MFSD6: variants seen among roughly 807,000 people sequenced by gnomAD.
MFSD6 encodes the protein major facilitator superfamily domain containing 6.
A neutral mutation model predicts 56.3 loss-of-function variants in MFSD6; 26 were observed. The ratio of observed to expected loss-of-function variants is 0.46; its 90% CI spans 0.34 to 0.64. The LOEUF (loss-of-function observed/expected upper bound fraction) is 0.64. Ranked by LOEUF, MFSD6 falls within the 30% of genes least tolerant of loss-of-function variation. The pLI is 0.01. For synonymous variants in MFSD6, 331 were observed against 366.9 expected, an observed-to-expected ratio of 0.90 and a Z score of 1.12; for missense variants, 750 against 986.2, an observed-to-expected ratio of 0.76 and a Z score of 3.21.
In MFSD6 at chr2:190,495,362, T is replaced by C. The variant is rs1004277603; in HGVS notation, c.1892-2077T>C. On this transcript the variant is annotated intron_variant, in intron 6 of 7. Transcript: ENST00000392328. The surrounding 1 kb of genome is among the most constrained non-coding windows in gnomAD (Gnocchi z 4.7). ...AGAAATCATACATGACATACACAAA[T>C]GGAAACATATCCCATGCTCATGGAT... is the stretch of plus-strand genomic sequence containing the variant. Among the ~76,000 whole-genome samples the C allele has an allele frequency of 1.2e-4, 18 of 152,124 alleles. No individual in the cohort carries two copies. The highest frequency in any genetic ancestry group is 4.3e-4 in the African/African-American group (18 of 41,428).
Position 190,485,884 on chromosome 2 carries a change from A to G in MFSD6, c.1631-2773A>G, listed in dbSNP as rs940839386. Among the ~76,000 whole-genome samples the G allele has an allele frequency of 2.6e-5, 4 of 152,210 alleles. No individual in the cohort carries two copies. The highest frequency in any genetic ancestry group is 9.6e-5 in the African/African-American group (4 of 41,454). On this transcript the variant is annotated intron_variant, in intron 4 of 7. Transcript: ENST00000392328. This position sits in a 1 kb window ranked among gnomAD's most constrained non-coding sequence, Gnocchi z 5.1. ...AAGTTATTTTAATGTTTCTTAGTCA[A>G]CTGTGAGGCATACAATCTAATGTAC...
chr2:190,467,841 A>G lies in MFSD6; in HGVS notation c.1533-1917A>G, dbSNP rs1421678803. On this transcript the variant is annotated intron_variant, in intron 3 of 7. Transcript: ENST00000392328. The surrounding 1 kb of genome is among the most constrained non-coding windows in gnomAD (Gnocchi z 5.5). ...TTCATAATTCAGCTCTTGTTGGAACATGGCCATGCTCATTCATTTACATAT... is the reference window on the plus strand; with the variant it reads ...TTCATAATTCAGCTCTTGTTGGAACGTGGCCATGCTCATTCATTTACATAT... Among the ~76,000 whole-genome samples the G allele has an allele frequency of 2.0e-5, 3 of 152,246 alleles. No individual in the cohort carries two copies. Among genetic ancestry groups the G allele is most frequent in the Non-Finnish European group, 4.4e-5 (3 of 68,038 alleles).
intron 3 of MFSD6, among the ~76,000 whole-genome samples, chr2:190,455,934 CT>C (rs34054506): frequency 1.2e-4 from 8 of 65,370 alleles, no homozygotes; most frequent in African/African-American, 4.6e-4. Context: ...ATTTACTCTG[CT>C]TTTTTTTTTT....
rs1415698230 is a variant in MFSD6 at position 190,488,616 on chromosome 2, A to T, written c.1631-41A>T. On this transcript the variant is annotated intron_variant, in intron 4 of 7. Transcript: ENST00000392328. The surrounding 1 kb of genome is among the most constrained non-coding windows in gnomAD (Gnocchi z 6.4). ...ATTTCAAAACAGAGTAGCCTAAGAA[A>T]TGCTAACCAACTAATCCCTCCTGCT... 7.1e-7 allele frequency: 1 copy of T among 1,409,400 alleles called. No homozygotes were observed. Among genetic ancestry groups the T allele is most frequent in the East Asian group, 2.7e-5 (1 of 37,612 alleles). 87.3% of individuals were successfully genotyped at this position (1,409,400 alleles called of 1,614,324 possible). A position where few individuals can be genotyped will look rare whatever the true frequency, so the allele number is the denominator to read the frequency against.
Position 190,467,931 on chromosome 2 carries a change from C to T in MFSD6, c.1533-1827C>T, listed in dbSNP as rs1008582681. Among the ~76,000 whole-genome samples the T allele has an allele frequency of 1.3e-5, 2 of 152,168 alleles. No homozygotes were observed. The highest frequency in any genetic ancestry group is 4.8e-5 in the African/African-American group (2 of 41,422). On this transcript the variant is annotated intron_variant, in intron 3 of 7. Coordinates refer to ENST00000392328, the MANE Select transcript of MFSD6 (RefSeq NM_017694.4). The surrounding 1 kb of genome is among the most constrained non-coding windows in gnomAD (Gnocchi z 5.5). The stretch of plus-strand genomic sequence containing the variant: ...GAGCTGCAACAGAGACCATGTAGCT[C>T]GTGAAGCCTAAACTGTTTAATGTGT...
In MFSD6 at chr2:190,417,473, G is replaced by A. The variant is rs1335829044; in HGVS notation, c.-54+2060G>A. Among the ~76,000 whole-genome samples the A allele has an allele frequency of 6.6e-6, 1 of 152,114 alleles. No homozygotes were observed. Among genetic ancestry groups the A allele is most frequent in the Non-Finnish European group, 1.5e-5 (1 of 68,016 alleles). On this transcript the variant is annotated intron_variant, in intron 2 of 7. Coordinates refer to ENST00000392328, the MANE Select transcript of MFSD6 (RefSeq NM_017694.4). The surrounding 1 kb of genome is among the most constrained non-coding windows in gnomAD (Gnocchi z 5.7). ...TTGTGTGTGCCCCCGTCTTCTTCTCGCCTCTGGGTGTCATGACAGGGACTG... is the reference window on the plus strand; with the variant it reads ...TTGTGTGTGCCCCCGTCTTCTTCTCACCTCTGGGTGTCATGACAGGGACTG...
rs1269171288 is a variant in MFSD6 at position 190,431,095 on chromosome 2, A to G, written c.-53-4882A>G. ...TCGCAGCCGGGCAGAGGCGCTCCTC[A>G]CATCCCAGACAGGGCGGCGGGGCAG... is the stretch of plus-strand genomic sequence containing the variant. On this transcript the variant is annotated intron_variant, in intron 2 of 7. Coordinates refer to ENST00000392328, the MANE Select transcript of MFSD6 (RefSeq NM_017694.4). The surrounding 1 kb of genome is among the most constrained non-coding windows in gnomAD (Gnocchi z 4.4). 7.0e-6 allele frequency among the ~76,000 whole-genome samples: 1 copy of G among 143,204 alleles called. No individual in the cohort carries two copies. Among genetic ancestry groups the G allele is most frequent in the Non-Finnish European group, 1.5e-5 (1 of 66,214 alleles). The allele number at this position is 143,204 out of a possible 152,430, so 93.9% of individuals were successfully genotyped here.
chr2:190,493,420 A>T (rs1256094181), intron 6 of MFSD6, among the ~76,000 whole-genome samples: 1 of 152,186 alleles, frequency 6.6e-6, no homozygotes, highest in Non-Finnish European at 1.5e-5. Context: ...GATATACAGC[A>T]ACACAATAAT....
chr2:190,501,419 T>A lies in MFSD6; in HGVS notation c.*1201T>A, dbSNP rs1690018390. The A allele has an allele frequency of 6.6e-6, 1 of 152,126 alleles. No homozygotes were observed. Among genetic ancestry groups the A allele is most frequent in the South Asian group, 2.1e-4 (1 of 4,828 alleles). 9.4% of individuals were successfully genotyped at this position (152,126 alleles called of 1,614,324 possible). On this transcript the variant is annotated 3_prime_UTR_variant, in exon 8 of 8. Transcript: ENST00000392328. ...AACGTTACAACTGCAGCCAGAACAATGGCTGGGTGGATCGCACGTAAAGCT... is the reference window on the plus strand; with the variant it reads ...AACGTTACAACTGCAGCCAGAACAAAGGCTGGGTGGATCGCACGTAAAGCT...
rs1686113755 is a variant in MFSD6 at position 190,434,578 on chromosome 2, T to G, written c.-53-1399T>G. 6.6e-6 allele frequency among the ~76,000 whole-genome samples: 1 copy of G among 152,128 alleles called. No individual in the cohort carries two copies. The highest frequency in any genetic ancestry group is 1.5e-5 in the Non-Finnish European group (1 of 68,020). ...AGCTTCCCAAGTAGCTGGGACTACA[T>G]GCGTGCCACCAGGCCCAGCTAATTC... On this transcript the variant is annotated intron_variant, in intron 2 of 7. Coordinates refer to ENST00000392328, the MANE Select transcript of MFSD6 (RefSeq NM_017694.4). This position sits in a 1 kb window ranked among gnomAD's most constrained non-coding sequence, Gnocchi z 4.3.
intron 4 of MFSD6, among the ~76,000 whole-genome samples, chr2:190,486,526 G>A (rs942415172): frequency 6.6e-6 from 1 of 152,202 alleles, no homozygotes; most frequent in Non-Finnish European, 1.5e-5. Context: ...ACTCTCATCA[G>A]TCAGTAAACT....
At chr2:190,482,903 T>TTTTTTTTTGTTTTTTTTTTTTG (rs544591315) in intron 4 of MFSD6, among the ~76,000 whole-genome samples, 1 of 86,228 alleles carries the variant, frequency 1.2e-5, no homozygotes, top group Non-Finnish European at 2.2e-5. Flanking sequence ...TTTTTTTTTT[T>TTTTTTTTTGTTTTTTTTTTTTG]AGACGGAGTC....
intron 3 of MFSD6, among the ~76,000 whole-genome samples, chr2:190,468,953 G>C (rs1189559275): frequency 2.0e-5 from 3 of 152,188 alleles, no homozygotes; most frequent in Non-Finnish European, 4.4e-5. Context: ...GTGCAGAGAA[G>C]TAGCCACTCT....
In MFSD6 at chr2:190,437,376, A is replaced by C; in HGVS notation, c.1347A>C (p.Ser449=). Residue 449 remains serine, a synonymous_variant, in exon 3 of 8, where the codon TCA becomes TCC. Transcript: ENST00000392328. The surrounding 1 kb of genome is among the most constrained non-coding windows in gnomAD (Gnocchi z 5.9). ...TGCTCTGCAGCGTGCAGTATGGCTC[A>C]GTGCTGTTTGTGGCTTGGTTCATGG... is the stretch of plus-strand genomic sequence containing the variant. The part of the protein sequence containing the change: ...IKLLCSVQYG[S]VLFVAWFMGF... The C allele has an allele frequency of 6.2e-6, 10 of 1,614,240 alleles. No homozygotes were observed. The highest frequency in any genetic ancestry group is 8.5e-6 in the Non-Finnish European group (10 of 1,180,044).
chr2:190,456,302 G>A lies in MFSD6; in HGVS notation c.1533-13456G>A, dbSNP rs1249111459. Among the ~76,000 whole-genome samples the A allele has an allele frequency of 6.6e-6, 1 of 152,146 alleles. No homozygotes were observed. Among genetic ancestry groups the A allele is most frequent in the Non-Finnish European group, 1.5e-5 (1 of 68,020 alleles). On this transcript the variant is annotated intron_variant, in intron 3 of 7. Coordinates refer to ENST00000392328, the MANE Select transcript of MFSD6 (RefSeq NM_017694.4). This position sits in a 1 kb window ranked among gnomAD's most constrained non-coding sequence, Gnocchi z 5.4. The stretch of plus-strand genomic sequence containing the variant: ...TTAAATTTCACTTCAGACAGAGAAG[G>A]TGTTTAGCATGGTGAGTGGGAACTG...
At chr2:190,466,569 G>T (rs1559127116) in intron 3 of MFSD6, among the ~76,000 whole-genome samples, 1 of 152,082 alleles carries the variant, frequency 6.6e-6, no homozygotes, top group Non-Finnish European at 1.5e-5. Flanking sequence ...TTTTCCTTAA[G>T]ATGATGATGA....
In MFSD6 at chr2:190,471,870, C is replaced by CTGATAACTCAGA; in HGVS notation, c.1630+2015_1630+2016insTGATAACTCAGA. Among the ~76,000 whole-genome samples, 1 of 152,162 alleles carries CTGATAACTCAGA rather than the reference C, an allele frequency of 6.6e-6. No homozygotes were observed. Among genetic ancestry groups the CTGATAACTCAGA allele is most frequent in the East Asian group, 1.9e-4 (1 of 5,194 alleles). ...GGGGCAGACTGATAACTCATACGGCCGGGTACCCCTCTGAGACAAAACTTC... is the reference window on the plus strand; with the variant it reads ...GGGGCAGACTGATAACTCATACGGCCTGATAACTCAGAGGGTACCCCTCTGAGACAAAACTTC... On this transcript the variant is annotated intron_variant, in intron 4 of 7. Transcript: ENST00000392328. This position sits in a 1 kb window ranked among gnomAD's most constrained non-coding sequence, Gnocchi z 4.7.
intron 4 of MFSD6, among the ~76,000 whole-genome samples, chr2:190,473,206 A>G (rs571253631): frequency 6.6e-6 from 1 of 152,226 alleles, no homozygotes; most frequent in Non-Finnish European, 1.5e-5. Flanking sequence ...AGCTAACATC[A>G]TAATGACAGG....
chr2:190,447,292 A>C lies in MFSD6; in HGVS notation c.1532+9731A>C, dbSNP rs1686618962. Among the ~76,000 whole-genome samples the C allele has an allele frequency of 1.3e-5, 2 of 152,210 alleles. No individual in the cohort carries two copies. Among genetic ancestry groups the C allele is most frequent in the South Asian group, 4.1e-4 (2 of 4,834 alleles). On this transcript the variant is annotated intron_variant, in intron 3 of 7. Coordinates refer to ENST00000392328, the MANE Select transcript of MFSD6 (RefSeq NM_017694.4). The surrounding 1 kb of genome is among the most constrained non-coding windows in gnomAD (Gnocchi z 4.5). ...CTTTTAGCCAAAAGGACAGCTGGCA[A>C]TGTTCTGTTAGACATGAGTGATTGA...
Sources: allele counts gnomAD v4.1 joint callset (sites outside exome capture counted in the v4.1 genomes callset), GRCh38; gene constraint gnomAD v4.1.1; non-coding constraint Gnocchi (gnomAD v3.1); transcripts MANE v1.5; gene names NCBI Gene and HGNC (gene_info 2026-07-23, HGNC 2026-07-21).